The following TXNL4A variants were observed in gnomAD, a reference collection of about 807,000 sequenced individuals.
TXNL4A encodes the protein thioredoxin like 4A, also known as thioredoxin-like protein 4A.
Under a neutral mutation model 14.6 loss-of-function variants are expected in TXNL4A, and 17 were observed. The ratio of observed to expected loss-of-function variants is 1.16; its 90% CI spans 0.80 to 1.74. The LOEUF is 1.74. Among genes scored for constraint, TXNL4A ranks in the 40% most tolerant of loss-of-function variants. The pLI is 0.00. For missense variants in TXNL4A, 74 were observed against 195.2 expected, an observed-to-expected ratio of 0.38 and a Z score of 3.70; for synonymous variants, 83 against 70.6, an observed-to-expected ratio of 1.18 and a Z score of -0.88.
At chr18:79,993,162 C>T (rs1261912684), upstream of TXNL4A, among the ~76,000 whole-genome samples, 5 of 152,120 alleles carry the variant, frequency 3.3e-5, no homozygotes, top group Non-Finnish European at 5.9e-5. This position sits in a 1 kb window ranked among gnomAD's most constrained non-coding sequence, Gnocchi z 4.4. Flanking sequence ...GAAGGTGGCC[C>T]AGCCTGCAGC....
chr18:80,015,351 A>T (rs1358697787), intron 1 of TXNL4A, among the ~76,000 whole-genome samples: 2 of 124,566 alleles, frequency 1.6e-5, no homozygotes, highest in African/African-American at 5.6e-5. Context: ...ATGCTTTTTT[A>T]AAAAATTATT....
upstream of TXNL4A, among the ~76,000 whole-genome samples, chr18:79,990,028 TG>T (rs2051615521): frequency 6.6e-6 from 1 of 152,144 alleles, no homozygotes; most frequent in South Asian, 2.1e-4. Flanking sequence ...GCAGATGCTG[TG>T]GTGTCTCTCA....
At chr18:79,985,209 A>C (rs909976347) in intron 1 of TXNL4A, among the ~76,000 whole-genome samples, 22 of 152,232 alleles carry the variant, frequency 1.4e-4, no homozygotes, top group African/African-American at 4.8e-4. Context: ...GACAGCTCGT[A>C]CATGAAATTG....
rs113265658 is a variant in TXNL4A at position 79,976,485 on chromosome 18, A to C, written c.257+1113T>G. On this transcript the variant is annotated intron_variant, in intron 2 of 2. Transcript: ENST00000269601. ...CAGACCCACCACCACGAAGAGCCAG[A>C]CTCGGCCCACAACCCAAACAAGCCC... is the stretch of plus-strand genomic sequence containing the variant. Among the ~76,000 whole-genome samples, 126 of 152,172 alleles carry C rather than the reference A, an allele frequency of 8.3e-4. 1 individual carries two copies. The Middle Eastern group carries it at 0.014, about 16-fold the overall frequency.
intron 2 of TXNL4A, among the ~76,000 whole-genome samples, chr18:79,974,967 T>C (rs1275495122): frequency 6.6e-6 from 1 of 152,162 alleles, no homozygotes; most frequent in Non-Finnish European, 1.5e-5. Flanking sequence ...GTATTCCCCG[T>C]GAAGTCTCTG....
chr18:80,011,293 G>C lies in TXNL4A; in HGVS notation c.-61+22558C>G, dbSNP rs570965277. Among the ~76,000 whole-genome samples the C allele has an allele frequency of 1.3e-5, 2 of 152,138 alleles. No individual in the cohort carries two copies. The highest frequency in any genetic ancestry group is 2.9e-5 in the Non-Finnish European group (2 of 68,018). ...GGGAGTTTGCATTTTCCCTTAATTT[G>C]TTAGTGATTTCAATTTGGTTTTTAA... On this transcript the variant is annotated intron_variant, in intron 1 of 2. Coordinates refer to the TXNL4A transcript ENST00000585474. This position sits in a 1 kb window ranked among gnomAD's most constrained non-coding sequence, Gnocchi z 4.1.
intron 1 of TXNL4A, among the ~76,000 whole-genome samples, chr18:80,020,137 C>T (rs1215189130): frequency 6.6e-6 from 1 of 152,216 alleles, no homozygotes; most frequent in Non-Finnish European, 1.5e-5. Context: ...TTTGCCAGCA[C>T]AGGCTCTCTC....
intron 1 of TXNL4A, among the ~76,000 whole-genome samples, chr18:80,023,834 T>C (rs183327785): frequency 7.9e-5 from 12 of 152,348 alleles, no homozygotes; most frequent in Non-Finnish European, 1.8e-4. Context: ...CAGTATTCTG[T>C]GCTTCTCAAT....
intron 1 of TXNL4A, chr18:79,979,302 G>A (rs1401020168): frequency 6.6e-6 from 1 of 152,170 alleles, no homozygotes; most frequent in African/African-American, 2.4e-5. Context: ...ATGGCTGCGT[G>A]ATTCATCAAA....
intron 1 of TXNL4A, among the ~76,000 whole-genome samples, chr18:80,028,012 G>A (rs2145131178): frequency 6.6e-6 from 1 of 152,302 alleles, no homozygotes; most frequent in Non-Finnish European, 1.5e-5. Flanking sequence ...CCATCTTGTG[G>A]ACTCTTGAGG....
At chr18:80,018,169 G>A (rs1568380499) in intron 1 of TXNL4A, among the ~76,000 whole-genome samples, 3 of 152,138 alleles carry the variant, frequency 2.0e-5, no homozygotes, top group Non-Finnish European at 2.9e-5. Context: ...CTAGAACTCA[G>A]GATTAAGAAA....
chr18:80,009,481 A>G (rs1022111100), intron 1 of TXNL4A, among the ~76,000 whole-genome samples: 3 of 152,170 alleles, frequency 2.0e-5, no homozygotes, highest in African/African-American at 7.2e-5. Flanking sequence ...TCAGGACGGG[A>G]CACCAACAGG....
intron 1 of TXNL4A, among the ~76,000 whole-genome samples, chr18:80,006,511 T>C (rs1182043978): frequency 6.6e-6 from 1 of 152,134 alleles, no homozygotes; most frequent in Non-Finnish European, 1.5e-5. Context: ...GGCTGGAGCT[T>C]AGGGTTGTAA....
At position 79,986,649 on chromosome 18, in the gene TXNL4A, G is replaced by A. The variant is rs535749819; in HGVS notation, c.153+1591C>T. On this transcript the variant is annotated intron_variant, in intron 1 of 2. Coordinates refer to ENST00000269601, the MANE Select transcript of TXNL4A (RefSeq NM_006701.5). ...CTAGCTAAGAGCATCTTGCTGAGCTGTGCTCGGATGTGATGAGACAAAGGC... is the reference window on the plus strand; with the variant it reads ...CTAGCTAAGAGCATCTTGCTGAGCTATGCTCGGATGTGATGAGACAAAGGC... 4 of 985,444 alleles carry A rather than the reference G, an allele frequency of 4.1e-6. No homozygotes were observed. The East Asian group carries it at 3.4e-4, about 84-fold the overall frequency. 61.0% of individuals were successfully genotyped at this position (985,444 alleles called of 1,614,324 possible).
chr18:79,978,947 CT>C (rs952833652), intron 1 of TXNL4A, among the ~76,000 whole-genome samples: 1 of 139,596 alleles, frequency 7.2e-6, no homozygotes, highest in Non-Finnish European at 1.6e-5. Context: ...TTTTTTTTTT[CT>C]TTTTTTTGAG....
At chr18:80,017,061 T>C (rs1469168976) in intron 1 of TXNL4A, among the ~76,000 whole-genome samples, 2 of 149,614 alleles carry the variant, frequency 1.3e-5, no homozygotes, top group African/African-American at 4.9e-5. Context: ...GTAGTTCTCC[T>C]TGAAGAGGTC....
At position 79,993,852 on chromosome 18, in the gene TXNL4A, T is replaced by G. The variant is rs1448446168; in HGVS notation, c.-60-16151A>C. Among the ~76,000 whole-genome samples, 3 of 152,180 alleles carry G rather than the reference T, an allele frequency of 2.0e-5. No homozygotes were observed. Among genetic ancestry groups the G allele is most frequent in the Admixed American group, 1.3e-4 (2 of 15,276 alleles). ...CCAGAAAAACATGCTTAAGGTCTAATCTCATCTGGTAGGTGCATATAAGGA... is the reference window on the plus strand; with the variant it reads ...CCAGAAAAACATGCTTAAGGTCTAAGCTCATCTGGTAGGTGCATATAAGGA... On this transcript the variant is annotated intron_variant, in intron 1 of 2. Transcript: ENST00000585474. This position sits in a 1 kb window ranked among gnomAD's most constrained non-coding sequence, Gnocchi z 4.4.
At position 80,011,759 on chromosome 18, in the gene TXNL4A, C is replaced by T. The variant is rs993299045; in HGVS notation, c.-61+22092G>A. On this transcript the variant is annotated intron_variant, in intron 1 of 2. Coordinates refer to the TXNL4A transcript ENST00000585474. This position sits in a 1 kb window ranked among gnomAD's most constrained non-coding sequence, Gnocchi z 4.1. ...AAACCCACTCCCACCTTTTCCGTCCCTATAAGTTAAAGATCTTTTTTTTTT... is the reference window on the plus strand; with the variant it reads ...AAACCCACTCCCACCTTTTCCGTCCTTATAAGTTAAAGATCTTTTTTTTTT... Among the ~76,000 whole-genome samples, 1 of 152,022 alleles carries T rather than the reference C, an allele frequency of 6.6e-6. No homozygotes were observed. The highest frequency in any genetic ancestry group is 2.4e-5 in the African/African-American group (1 of 41,360).
At chr18:79,979,986 T>C (rs2051439105) in intron 1 of TXNL4A, among the ~76,000 whole-genome samples, 1 of 152,176 alleles carries the variant, frequency 6.6e-6, no homozygotes, top group Non-Finnish European at 1.5e-5. Context: ...GCGCAGCTTA[T>C]TTGGAAACGG....
Sources: gnomAD v4.1 joint callset for allele counts (sites outside exome capture counted in the v4.1 genomes callset) on GRCh38, gnomAD v4.1.1 for gene constraint, Gnocchi (gnomAD v3.1) non-coding constraint, MANE v1.5 for transcripts, NCBI Gene and HGNC (gene_info 2026-07-23, HGNC 2026-07-21) for gene names.